The following GNA14 variants were observed in gnomAD, a reference collection of about 807,000 sequenced individuals.
GNA14 encodes the protein guanine nucleotide-binding protein subunit alpha-14.
Under a neutral mutation model 42.0 loss-of-function variants are expected in GNA14, and 50 were observed. The observed-to-expected ratio is 1.19, with a 90% confidence interval of 0.95 to 1.51. GNA14 has a LOEUF of 1.51. Among genes scored for constraint, GNA14 ranks in the 40% most tolerant of loss-of-function variants. GNA14 has a pLI of 0.00. For missense variants in GNA14, 473 were observed against 446.2 expected (o/e 1.06, Z -0.54); for synonymous variants, 173 against 163.1 (o/e 1.06, Z -0.46).
chr9:77,467,300 T>A (rs1198440723), intron 2 of GNA14, among the ~76,000 whole-genome samples: 1 of 151,922 alleles, frequency 6.6e-6, no homozygotes, highest in Non-Finnish European at 1.5e-5. Context: ...GCCCTTTGAG[T>A]CTTCTCCCAA....
chr9:77,453,995 A>T (rs1835957619), intron 2 of GNA14, among the ~76,000 whole-genome samples: 1 of 152,216 alleles, frequency 6.6e-6, no homozygotes. Flanking sequence ...CTCAGAAGTG[A>T]AAGCTTCATG....
chr9:77,566,351 C>T (rs1212270871), intron 1 of GNA14, among the ~76,000 whole-genome samples: 1 of 151,822 alleles, frequency 6.6e-6, no homozygotes, highest in African/African-American at 2.4e-5. Context: ...AACAGGGTCT[C>T]GCCATGTTGG....
chr9:77,442,225 T>C (rs541216054), intron 2 of GNA14, among the ~76,000 whole-genome samples: 1 of 152,016 alleles, frequency 6.6e-6, no homozygotes, highest in East Asian at 1.9e-4. Context: ...TACAAAAAAT[T>C]AGATGGGCGT....
chr9:77,608,384 A>T (rs1246141980), intron 1 of GNA14, among the ~76,000 whole-genome samples: 1 of 152,242 alleles, frequency 6.6e-6, no homozygotes, highest in East Asian at 1.9e-4. Context: ...CCTATACCTA[A>T]TTTAGATGGT....
rs565463783 is a variant in GNA14, at chr9:77,435,810, A to T, written c.310-1288T>A. Among the ~76,000 whole-genome samples the T allele has an allele frequency of 4.6e-5, 7 of 152,246 alleles. No homozygotes were observed. The East Asian group carries it at 1.4e-3, about 29-fold the overall frequency. Reference sequence around the variant, plus strand: ...ACATTTCCCCGTGTTGGCCCCAGAGACTCAGCATCCTTTCCTTGGCTGCAA... The same window carrying T: ...ACATTTCCCCGTGTTGGCCCCAGAGTCTCAGCATCCTTTCCTTGGCTGCAA... On this transcript the variant is annotated intron_variant, in intron 2 of 6. Transcript: ENST00000341700.
intron 2 of GNA14, among the ~76,000 whole-genome samples, chr9:77,435,050 T>TAA (rs3052358): frequency 0.016 from 1,859 of 119,218 alleles, 20 homozygotes; most frequent in East Asian, 0.028. Context: ...TTCTTTCATT[T>TAA]AAAAAAAAAA....
At chr9:77,476,923 G>A (rs951841816) in intron 2 of GNA14, among the ~76,000 whole-genome samples, 1 of 152,192 alleles carries the variant, frequency 6.6e-6, no homozygotes, top group African/African-American at 2.4e-5. Context: ...AGTGGGGTTG[G>A]CTCAGGGAAA....
At chr9:77,538,215 T>G (rs1837620510) in intron 1 of GNA14, among the ~76,000 whole-genome samples, 1 of 151,984 alleles carries the variant, frequency 6.6e-6, no homozygotes, top group South Asian at 2.1e-4. Context: ...GGACTACAGG[T>G]GTGTGCCACC....
Position 77,425,777 on chromosome 9 carries a change from C to A in GNA14, c.724-62G>T. The A allele has an allele frequency of 3.4e-6, 4 of 1,186,260 alleles. No individual in the cohort carries two copies. In the Admixed American group the frequency reaches 6.2e-5, roughly 18 times the overall value. 73.5% of individuals were successfully genotyped at this position (1,186,260 alleles called of 1,614,324 possible). A position where few individuals can be genotyped will look rare whatever the true frequency, so the allele number is the denominator to read the frequency against. Reference sequence around the variant, plus strand: ...AGGAAATATTTTGGAAACAACATGGCGCATTGCCAGTCCATCCATCTCTTC... The same window carrying A: ...AGGAAATATTTTGGAAACAACATGGAGCATTGCCAGTCCATCCATCTCTTC... On this transcript the variant is annotated intron_variant, in intron 5 of 6. Coordinates refer to ENST00000341700, the MANE Select transcript of GNA14 (RefSeq NM_004297.4).
rs1837705466 is a variant in GNA14 at position 77,545,164 on chromosome 9, AT to A, written c.125-15912del. Among the ~76,000 whole-genome samples, 3 of 152,220 alleles carry A rather than the reference AT, an allele frequency of 2.0e-5. No individual in the cohort carries two copies. The South Asian group carries it at 6.2e-4, about 32-fold the overall frequency. On this transcript the variant is annotated intron_variant, in intron 1 of 6. Coordinates refer to ENST00000341700, the MANE Select transcript of GNA14 (RefSeq NM_004297.4). ...AGGAACCATCTTGAAGCACTACAACATTTTGCTGAAACACCAGTAACTACAG... is the reference window on the plus strand; with the variant it reads ...AGGAACCATCTTGAAGCACTACAACATTTGCTGAAACACCAGTAACTACAG...
chr9:77,565,689 C>G (rs1311958523), intron 1 of GNA14, among the ~76,000 whole-genome samples: 1 of 152,222 alleles, frequency 6.6e-6, no homozygotes, highest in Admixed American at 6.5e-5. Flanking sequence ...AACTCCCTGC[C>G]TCGAGTGATC....
chr9:77,567,900 G>A (rs1189537626), intron 1 of GNA14, among the ~76,000 whole-genome samples: 1 of 152,054 alleles, frequency 6.6e-6, no homozygotes, highest in African/African-American at 2.4e-5. Context: ...ATTATGGCCA[G>A]CAAAAGTTTG....
chr9:77,488,168 T>C (rs192643404), intron 2 of GNA14, among the ~76,000 whole-genome samples: 1 of 152,294 alleles, frequency 6.6e-6, no homozygotes, highest in East Asian at 1.9e-4. Flanking sequence ...AGGATATATT[T>C]CCTAGGGGCA....
chr9:77,457,084 T>C (rs1203515671), intron 2 of GNA14, among the ~76,000 whole-genome samples: 3 of 152,192 alleles, frequency 2.0e-5, no homozygotes, highest in Admixed American at 6.5e-5. Flanking sequence ...GGTGCTTACT[T>C]TATACCTAAC....
intron 1 of GNA14, among the ~76,000 whole-genome samples, chr9:77,558,299 C>T (rs568791425): frequency 6.6e-6 from 1 of 150,582 alleles, no homozygotes; most frequent in Admixed American, 6.6e-5. Context: ...GATAGATAGA[C>T]AGACAGACAG....
chr9:77,555,419 G>A (rs914651274), intron 1 of GNA14, among the ~76,000 whole-genome samples: 24 of 152,118 alleles, frequency 1.6e-4, no homozygotes, highest in Non-Finnish European at 2.1e-4. Flanking sequence ...TGGGAGTAAC[G>A]CTTGAGCCTG....
intron 2 of GNA14, among the ~76,000 whole-genome samples, chr9:77,467,762 C>A (rs533565235): frequency 1.3e-5 from 2 of 151,480 alleles, no homozygotes; most frequent in Admixed American, 1.3e-4. Flanking sequence ...TACACCAGAG[C>A]TGGGAGCAGG....
intron 1 of GNA14, among the ~76,000 whole-genome samples, chr9:77,584,752 G>A (rs1823275428): frequency 6.6e-6 from 1 of 152,216 alleles, no homozygotes; most frequent in African/African-American, 2.4e-5. Context: ...TCCATAGACA[G>A]AGCAGACTCA....
At chr9:77,641,172 G>T (rs1238010271) in intron 1 of GNA14, among the ~76,000 whole-genome samples, 1 of 139,950 alleles carries the variant, frequency 7.1e-6, no homozygotes, top group Non-Finnish European at 1.5e-5. Context: ...AAGGAAGGAA[G>T]GAAGGGCAAA....
Sources: gnomAD v4.1 joint callset for allele counts (sites outside exome capture counted in the v4.1 genomes callset) on GRCh38, gnomAD v4.1.1 for gene constraint, MANE v1.5 for transcripts, NCBI Gene and HGNC (gene_info 2026-07-23, HGNC 2026-07-21) for gene names.